The following ITM2C variants were observed in gnomAD, a reference collection of about 807,000 sequenced individuals.
The protein encoded by ITM2C is BRICHOS domain containing 2C.
In ITM2C, 20 loss-of-function variants were observed where a neutral mutation model predicts 30.0. The observed-to-expected ratio is 0.67, with a 90% CI of 0.47 to 0.97. The LOEUF (loss-of-function observed/expected upper bound fraction) is 0.97, where lower values mean the gene tolerates loss of function less well. Ranked by LOEUF, ITM2C falls within the 50% of genes least tolerant of loss-of-function variation. The pLI, the probability that ITM2C is intolerant of heterozygous loss-of-function variation, is 0.00. For synonymous variants in ITM2C, 167 were observed against 156.4 expected (o/e 1.07, Z -0.51); for missense variants, 366 against 371.9 (o/e 0.98, Z 0.13).
At chr2:230,875,839 G>GTGGGGGT in intron 3 of ITM2C, 31 bp downstream of exon 3, 2 of 326,324 alleles carry the variant, frequency 6.1e-6, no homozygotes, top group South Asian at 2.7e-5. Flanking sequence ...GGGGTGGGGG[G>GTGGGGGT]TGGGAGGGTG....
At chr2:230,866,092 G>T (rs373831895) in intron 1 of ITM2C, among the ~76,000 whole-genome samples, 1 of 152,240 alleles carries the variant, frequency 6.6e-6, no homozygotes, top group African/African-American at 2.4e-5. Context: ...CCCGCAGGGG[G>T]CAGAACGCGT....
chr2:230,868,018 G>A (rs1219759382), intron 1 of ITM2C, among the ~76,000 whole-genome samples: 2 of 151,808 alleles, frequency 1.3e-5, no homozygotes, highest in Non-Finnish European at 2.9e-5. Flanking sequence ...ATGATTGTGC[G>A]GTGAACAGAT....
intron 1 of ITM2C, among the ~76,000 whole-genome samples, chr2:230,872,400 T>C (rs1011273311): frequency 2.0e-5 from 3 of 152,174 alleles, no homozygotes; most frequent in Admixed American, 2.0e-4. Context: ...CAAGCTCACC[T>C]GGCTGGCTCT....
rs908863888 is a variant in ITM2C, at chr2:230,865,245, C to T, written c.120+100C>T. 9.0e-6 allele frequency: 11 copies of T among 1,220,464 alleles called. No individual in the cohort carries two copies. Among genetic ancestry groups the T allele is most frequent in the South Asian group, 2.5e-5 (1 of 40,052 alleles). The allele number at this position is 1,220,464 out of a possible 1,614,324, so 75.6% of individuals were successfully genotyped here. A position where few individuals can be genotyped will look rare whatever the true frequency, so the allele number is the denominator to read the frequency against. ...GGGACTGCCCGAGGCGCGTCAGGGC[C>T]CCAGAGCCCGGGGTGGAGCAGGGTT... On this transcript the variant is annotated intron_variant, in intron 1 of 5. Coordinates refer to ENST00000326427, the MANE Select transcript of ITM2C (RefSeq NM_030926.6). This position sits in a 1 kb window ranked among gnomAD's most constrained non-coding sequence, Gnocchi z 6.8.
chr2:230,868,107 A>G (rs1237935923), intron 1 of ITM2C, among the ~76,000 whole-genome samples: 1 of 151,854 alleles, frequency 6.6e-6, no homozygotes, highest in African/African-American at 2.4e-5. Context: ...AGGCGGCAGG[A>G]GCACCCTCTC....
intron 1 of ITM2C, among the ~76,000 whole-genome samples, chr2:230,872,670 C>T (rs768041552): frequency 1.3e-5 from 2 of 152,174 alleles, no homozygotes; most frequent in African/African-American, 2.4e-5. Flanking sequence ...GTAGCTGTTA[C>T]ACCACTTGTA....
intron 3 of ITM2C, among the ~76,000 whole-genome samples, chr2:230,876,647 A>C (rs1369158647): frequency 1.3e-5 from 2 of 151,852 alleles, no homozygotes; most frequent in Non-Finnish European, 2.9e-5. Flanking sequence ...ACGCCTGGCA[A>C]ATTTTTTGTA....
At position 230,865,191 on chromosome 2, in the gene ITM2C, C is replaced by T. The variant is rs568477850; in HGVS notation, c.120+46C>T. On this transcript the variant is annotated intron_variant, in intron 1 of 5. Coordinates refer to ENST00000326427, the MANE Select transcript of ITM2C (RefSeq NM_030926.6). This position sits in a 1 kb window ranked among gnomAD's most constrained non-coding sequence, Gnocchi z 6.8. ...GGCGGTGGGGCGGGGGACCCAGGCT[C>T]ACGACCCAGGCGCGCCCCGTCGGCC... 188 of 1,363,344 alleles carry T rather than the reference C, an allele frequency of 1.4e-4. No individual in the cohort carries two copies. The Middle Eastern group carries it at 2.9e-3, about 21-fold the overall frequency. The allele number at this position is 1,363,344 out of a possible 1,614,324, so 84.5% of individuals were successfully genotyped here.
rs1689980732 is a variant in ITM2C, at chr2:230,878,258, A to G, written c.*159A>G. The G allele has an allele frequency of 2.2e-6, 1 of 452,744 alleles. No homozygotes were observed. Among genetic ancestry groups the G allele is most frequent in the Non-Finnish European group, 3.9e-6 (1 of 258,150 alleles). The allele number at this position is 452,744 out of a possible 1,614,324, so 28.0% of individuals were successfully genotyped here. A position where few individuals can be genotyped will look rare whatever the true frequency, so the allele number is the denominator to read the frequency against. ...TCTCCAACCCTGCCCACCTCCCTGT[A>G]CCAGAGCTGTGATCTCTCGGTGGGG... On this transcript the variant is annotated 3_prime_UTR_variant, in exon 6 of 6. Transcript: ENST00000326427. This position sits in a 1 kb window ranked among gnomAD's most constrained non-coding sequence, Gnocchi z 4.5.
At chr2:230,870,078 G>A (rs1352332720) in intron 1 of ITM2C, among the ~76,000 whole-genome samples, 1 of 152,224 alleles carries the variant, frequency 6.6e-6, no homozygotes, top group Non-Finnish European at 1.5e-5. Flanking sequence ...TAGTGAGCTG[G>A]GCACCAGGGA....
At chr2:230,873,111 C>A in intron 1 of ITM2C, 1 of 310,254 alleles carries the variant, frequency 3.2e-6, no homozygotes, top group Non-Finnish European at 5.8e-6. Flanking sequence ...CCTAAGAGCT[C>A]AGATAACTCA....
At position 230,875,826 on chromosome 2, in the gene ITM2C, C is replaced by CG; in HGVS notation, c.450+18_450+19insG. The CG allele has an allele frequency of 1.7e-6, 2 of 1,186,712 alleles. No homozygotes were observed. Among genetic ancestry groups the CG allele is most frequent in the South Asian group, 2.7e-5 (1 of 36,906 alleles). The allele number at this position is 1,186,712 out of a possible 1,614,324, so 73.5% of individuals were successfully genotyped here. A position where few individuals can be genotyped will look rare whatever the true frequency, so the allele number is the denominator to read the frequency against. The stretch of plus-strand genomic sequence containing the variant: ...TCCAGCGGGTGAGGCTGGCCAGGGC[C>CG]TGGGGGTGGGGGGTGGGAGGGTGTC... On this transcript the variant is annotated intron_variant, in intron 3 of 5. Transcript: ENST00000326427.
rs770175562 is a variant in ITM2C, at chr2:230,876,935, C to T, written c.529C>T (p.Arg177Cys). ...CAACACCACCATTGTGCTGCCCCCT[C>T]GCAACTTCTGGGAGCTCCTCATGAA... Reference protein sequence around the residue: ...ELNTTIVLPPRNFWELLMNVK... With the variant: ...ELNTTIVLPPCNFWELLMNVK... Residue 177 changes from arginine (R) to cysteine (C), a missense_variant, in exon 4 of 6, where the codon CGC (arginine) becomes TGC (cysteine). Coordinates refer to ENST00000326427, the MANE Select transcript of ITM2C (RefSeq NM_030926.6). The T allele has an allele frequency of 6.8e-6, 11 of 1,613,802 alleles. No homozygotes were observed. The highest frequency in any genetic ancestry group is 1.7e-4 in the Middle Eastern group (1 of 6,060).
At chr2:230,870,145 C>T (rs1574591567) in intron 1 of ITM2C, among the ~76,000 whole-genome samples, 1 of 152,352 alleles carries the variant, frequency 6.6e-6, no homozygotes, top group Middle Eastern at 3.4e-3. Flanking sequence ...CCACTGTCCC[C>T]AGACAGGTGT....
At chr2:230,875,052 C>T (rs1425157649) in intron 2 of ITM2C, among the ~76,000 whole-genome samples, 2 of 151,904 alleles carry the variant, frequency 1.3e-5, no homozygotes, top group Non-Finnish European at 2.9e-5. Flanking sequence ...CCCCACCCGC[C>T]GTGTTAGGCC....
chr2:230,873,807 G>A (rs1045871170), intron 2 of ITM2C, among the ~76,000 whole-genome samples: 7 of 152,214 alleles, frequency 4.6e-5, no homozygotes, highest in Admixed American at 6.5e-5. Context: ...CACTGGGCCC[G>A]CCCCACAGGG....
chr2:230,867,373 G>C (rs777440229), intron 1 of ITM2C, among the ~76,000 whole-genome samples: 1 of 152,186 alleles, frequency 6.6e-6, no homozygotes, highest in Admixed American at 6.5e-5. Flanking sequence ...TGGCCAACCC[G>C]CACATTTCCT....
At position 230,876,860 on chromosome 2, in the gene ITM2C, C is replaced by T. The variant is rs1449423342; in HGVS notation, c.454C>T (p.Leu152=). ...ADIIHDFQRG[L]TAYHDISLDK... ...ACCCAACCCCTTCTCCTGCCAGGGT[C>T]TGACTGCGTACCATGATATCTCCCT... Residue 152 remains leucine (L), a synonymous_variant, in exon 4 of 6, where the codon CTG becomes TTG. Transcript: ENST00000326427. 1.2e-6 allele frequency: 2 copies of T among 1,610,358 alleles called. No homozygotes were observed. Among genetic ancestry groups the T allele is most frequent in the South Asian group, 2.2e-5 (2 of 90,994 alleles).
chr2:230,865,485 G>T lies in ITM2C; in HGVS notation c.120+340G>T, dbSNP rs375722137. 2.8e-5 allele frequency: 6 copies of T among 213,806 alleles called. No homozygotes were observed. In the South Asian group the frequency reaches 5.6e-4, roughly 20 times the overall value. The allele number at this position is 213,806 out of a possible 1,614,324, so 13.2% of individuals were successfully genotyped here. ...GAAGAAGTTCGAGGAATGTTGGTGG[G>T]GGGGTACGCGTCTGGTTCCAATCAA... On this transcript the variant is annotated intron_variant, in intron 1 of 5. Coordinates refer to ENST00000326427, the MANE Select transcript of ITM2C (RefSeq NM_030926.6). The surrounding 1 kb of genome is among the most constrained non-coding windows in gnomAD (Gnocchi z 6.8).
Sources: gnomAD v4.1 joint callset for allele counts (sites outside exome capture counted in the v4.1 genomes callset) on GRCh38, gnomAD v4.1.1 for gene constraint, Gnocchi (gnomAD v3.1) non-coding constraint, MANE v1.5 for transcripts, NCBI Gene and HGNC (gene_info 2026-07-23, HGNC 2026-07-21) for gene names.